HS2ST1: variants seen among roughly 807,000 people sequenced by gnomAD.
HS2ST1 encodes the protein 2-O-sulfotransferase.
A neutral mutation model predicts 42.9 loss-of-function variants in HS2ST1; 18 were observed. The observed-to-expected ratio is 0.42, with a 90% confidence interval of 0.29 to 0.62. The LOEUF is 0.62. Ranked by LOEUF, HS2ST1 falls within the 20% of genes least tolerant of loss-of-function variation. The pLI, the probability that HS2ST1 is intolerant of heterozygous loss-of-function variation, is 0.21. For missense variants in HS2ST1, 334 were observed against 433.8 expected, an observed-to-expected ratio of 0.77 and a Z score of 2.04; for synonymous variants, 146 against 152.9, an observed-to-expected ratio of 0.95 and a Z score of 0.33.
intron 1 of HS2ST1, among the ~76,000 whole-genome samples, chr1:86,991,386 A>G (rs1266842155): frequency 6.6e-6 from 1 of 152,190 alleles, no homozygotes; most frequent in East Asian, 1.9e-4. Context: ...TGCGTACAGA[A>G]AACAGAAGTG....
chr1:87,066,755 G>T (rs528273932), intron 1 of HS2ST1, among the ~76,000 whole-genome samples: 56 of 151,896 alleles, frequency 3.7e-4, no homozygotes, highest in African/African-American at 1.3e-3. Context: ...CCCAGTGTGT[G>T]ATGTTCCCCT....
At position 87,107,271 on chromosome 1, in the gene HS2ST1, A is replaced by G. The variant is rs1285916301; in HGVS notation, c.*2575A>G. On this transcript the variant is annotated 3_prime_UTR_variant, in exon 7 of 7. Coordinates refer to ENST00000370550, the MANE Select transcript of HS2ST1 (RefSeq NM_012262.4). ...GTGTAGTCTCTCCCACAGATTCATA[A>G]ACTTTTATGACTTATATTGTTTCCA... 6.6e-6 allele frequency: 1 copy of G among 151,820 alleles called. No individual in the cohort carries two copies. Among genetic ancestry groups the G allele is most frequent in the Non-Finnish European group, 1.5e-5 (1 of 67,868 alleles). The allele number at this position is 151,820 out of a possible 1,614,324, so 9.4% of individuals were successfully genotyped here. A position where few individuals can be genotyped will look rare whatever the true frequency, so the allele number is the denominator to read the frequency against.
chr1:87,050,841 G>A (rs573227346), intron 1 of HS2ST1, among the ~76,000 whole-genome samples: 6 of 152,048 alleles, frequency 3.9e-5, no homozygotes, highest in South Asian at 4.2e-4. Flanking sequence ...ACAGAGTCTT[G>A]GCACCATTAC....
intron 1 of HS2ST1, among the ~76,000 whole-genome samples, chr1:86,973,242 A>G (rs1313145942): frequency 6.6e-6 from 1 of 150,536 alleles, no homozygotes; most frequent in Non-Finnish European, 1.5e-5. Flanking sequence ...TTTAAATCTA[A>G]CTAATTACCA....
chr1:86,972,130 T>C (rs1648251966), intron 1 of HS2ST1, among the ~76,000 whole-genome samples: 1 of 152,216 alleles, frequency 6.6e-6, no homozygotes, highest in South Asian at 2.1e-4. Context: ...GGTTATGAGT[T>C]GTTAATGTTT....
chr1:87,022,494 A>G (rs568479009), intron 1 of HS2ST1, among the ~76,000 whole-genome samples: 2 of 152,264 alleles, frequency 1.3e-5, no homozygotes, highest in South Asian at 4.1e-4. Flanking sequence ...AAAATTTAAG[A>G]CCCTAATAAA....
chr1:86,927,800 A>G (rs1660452528), intron 1 of HS2ST1, among the ~76,000 whole-genome samples: 1 of 152,272 alleles, frequency 6.6e-6, no homozygotes, highest in Admixed American at 6.5e-5. Flanking sequence ...TAATGAATGT[A>G]ATTTAGAGAT....
At chr1:86,953,864 A>G (rs559185780) in intron 1 of HS2ST1, among the ~76,000 whole-genome samples, 1 of 151,922 alleles carries the variant, frequency 6.6e-6, no homozygotes, top group African/African-American at 2.4e-5. Context: ...TAATTTCAAT[A>G]TTGTTGTATA....
At chr1:87,076,783 AAAAG>A (rs1651554809) in intron 2 of HS2ST1, among the ~76,000 whole-genome samples, 1 of 152,202 alleles carries the variant, frequency 6.6e-6, no homozygotes, top group Non-Finnish European at 1.5e-5. Context: ...ATTTTTCAAA[AAAAG>A]AATTCTTTTT....
At position 87,026,708 on chromosome 1, in the gene HS2ST1, A is replaced by C. The variant is rs182844582; in HGVS notation, c.125-46226A>C. On this transcript the variant is annotated intron_variant, in intron 1 of 6. Transcript: ENST00000370550. ...GGTAGACTTTTTGCTGCTATTTTCC[A>C]ACTTTAGATGTGTGAAGCCTGTACT... Among the ~76,000 whole-genome samples the C allele has an allele frequency of 3.3e-3, 508 of 152,210 alleles. 2 individuals are homozygous for C. Among genetic ancestry groups the C allele is most frequent in the Middle Eastern group, 0.01 (3 of 294 alleles).
At chr1:86,987,119 G>T (rs976416250) in intron 1 of HS2ST1, among the ~76,000 whole-genome samples, 4 of 146,976 alleles carry the variant, frequency 2.7e-5, no homozygotes, top group African/African-American at 1.0e-4. Context: ...GCCCAGGCTG[G>T]AGTGCAGTGG....
Position 86,920,554 on chromosome 1 carries a change from A to G in HS2ST1, c.124+5394A>G, listed in dbSNP as rs72947850. The stretch of plus-strand genomic sequence containing the variant: ...TAGTGCCATGGAGTAGTCACCTGAA[A>G]TAGTTGATCTCAATTAAGATAATTC... On this transcript the variant is annotated intron_variant, in intron 1 of 6. Coordinates refer to ENST00000370550, the MANE Select transcript of HS2ST1 (RefSeq NM_012262.4). 9.7e-3 allele frequency among the ~76,000 whole-genome samples: 1,482 copies of G among 152,288 alleles called. 24 individuals are homozygous for G. Among genetic ancestry groups the G allele is most frequent in the African/African-American group, 0.033 (1,386 of 41,534 alleles).
Position 87,092,636 on chromosome 1 carries a change from A to C in HS2ST1, c.555A>C (p.Pro185=). The change falls in exon 4 of 7, where the codon CCA becomes CCC. Residue 185 remains proline, a synonymous_variant. Transcript: ENST00000370550. ...YFLRFGDDYR[P]GLRRRKQGDK... ...TGAGATTTGGAGATGATTATAGACC[A>C]GGGTTACGGAGACGAAAACAAGGAG... The C allele has an allele frequency of 1.3e-6, 2 of 1,547,354 alleles. No individual in the cohort carries two copies. The highest frequency in any genetic ancestry group is 2.1e-5 in the Admixed American group (1 of 46,880).
intron 1 of HS2ST1, among the ~76,000 whole-genome samples, chr1:86,994,102 C>A (rs1182991734): frequency 6.6e-6 from 1 of 152,060 alleles, no homozygotes; most frequent in Non-Finnish European, 1.5e-5. Context: ...TTAAAAAAAA[C>A]ACCTTATTCC....
At chr1:86,967,646 T>A in intron 1 of HS2ST1, among the ~76,000 whole-genome samples, 1 of 152,232 alleles carries the variant, frequency 6.6e-6, no homozygotes. Context: ...ATTTTATGTC[T>A]GAGTAGCATT....
At chr1:87,047,974 G>A (rs1021730423) in intron 1 of HS2ST1, among the ~76,000 whole-genome samples, 4 of 152,100 alleles carry the variant, frequency 2.6e-5, no homozygotes, top group African/African-American at 9.7e-5. Context: ...ACCAAAAAGT[G>A]TCCTGGGATT....
intron 1 of HS2ST1, among the ~76,000 whole-genome samples, chr1:86,969,231 C>A (rs2390218): frequency 0.76 from 116,318 of 152,120 alleles, 45,174 homozygotes; most frequent in East Asian, 0.97. Context: ...TTAGTTCTAA[C>A]CTCAGTTATA....
At chr1:87,052,893 C>T (rs1450262812) in intron 1 of HS2ST1, among the ~76,000 whole-genome samples, 3 of 152,128 alleles carry the variant, frequency 2.0e-5, no homozygotes, top group Admixed American at 2.0e-4. Flanking sequence ...CAAAGTGTTC[C>T]TGGACCATCA....
intron 1 of HS2ST1, among the ~76,000 whole-genome samples, chr1:86,952,394 C>T (rs907386895): frequency 2.0e-5 from 3 of 152,124 alleles, no homozygotes; most frequent in South Asian, 2.1e-4. Context: ...CGTACCACCA[C>T]GCCCGGCAAA....
Sources: allele counts gnomAD v4.1 joint callset (sites outside exome capture counted in the v4.1 genomes callset), GRCh38; gene constraint gnomAD v4.1.1; transcripts MANE v1.5; gene names NCBI Gene and HGNC (gene_info 2026-07-23, HGNC 2026-07-21).